Variants in ABCA3 observed in about 807,000 individuals in gnomAD.
The protein encoded by ABCA3 is phospholipid-transporting ATPase ABCA3.
Under a neutral mutation model 172.8 loss-of-function variants are expected in ABCA3, and 88 were observed. The ratio of observed to expected loss-of-function variants is 0.51; its 90% CI spans 0.43 to 0.61. ABCA3 has a LOEUF of 0.61. Among genes scored for constraint, ABCA3 ranks in the 20% least tolerant of loss-of-function variants. The pLI is 0.00. For missense variants in ABCA3, 2,164 were observed against 2,301.0 expected, an observed-to-expected ratio of 0.94 and a Z score of 1.22; for synonymous variants, 1,066 against 983.8, an observed-to-expected ratio of 1.08 and a Z score of -1.56.
In ABCA3 at chr16:2,281,588, G is replaced by GGGGGGGC; in HGVS notation, c.4036-80_4036-79insGCCCCCC. 1 of 517,014 alleles carries GGGGGGGC rather than the reference G, an allele frequency of 1.9e-6. No individual in the cohort carries two copies. The highest frequency in any genetic ancestry group is 3.8e-6 in the Non-Finnish European group (1 of 260,092). The allele number at this position is 517,014 out of a possible 1,614,324, so 32.0% of individuals were successfully genotyped here. ...CGTGGAGAAGGGAGGGGCGGGGGTG[G>GGGGGGGC]ATGTGGGAGGTCTGGTGGGACTAAG... On this transcript the variant is annotated intron_variant, in intron 26 of 32. Coordinates refer to ENST00000301732, the MANE Select transcript of ABCA3 (RefSeq NM_001089.3). This position sits in a 1 kb window ranked among gnomAD's most constrained non-coding sequence, Gnocchi z 4.7.
intron 18 of ABCA3, among the ~76,000 whole-genome samples, chr16:2,294,520 T>C (rs1215696010): frequency 6.6e-6 from 1 of 151,326 alleles, no homozygotes; most frequent in Non-Finnish European, 1.5e-5. Flanking sequence ...ACCCCATCTC[T>C]ACAAAAAAAA....
Position 2,283,239 on chromosome 16 carries a change from G to T in ABCA3, c.3982C>A (p.Leu1328Met). The change falls in exon 26 of 33, where the codon CTG (leucine) becomes ATG (methionine). Residue 1328 changes from leucine (L) to methionine (M), a missense_variant. Physicochemically the swap from Leu to Met is conservative, Grantham distance 15. Around this residue, in one of 3 missense-constraint regions of ABCA3, gnomAD observed 795 missense variants for 881.9 expected, o/e 0.90. Transcript: ENST00000301732. The surrounding 1 kb of genome is among the most constrained non-coding windows in gnomAD (Gnocchi z 5.4). The part of the protein sequence containing the change: ...LILLFLIETN[L>M]LQRLRGILCA... The stretch of plus-strand genomic sequence containing the variant: ...AGGATGCCCCTGAGTCTCTGAAGCA[G>T]GTTGGTCTCGATGAGGAAGAGCAGG... 4 of 1,613,470 alleles carry T rather than the reference G, an allele frequency of 2.5e-6. No homozygotes were observed. The highest frequency in any genetic ancestry group is 3.4e-6 in the Non-Finnish European group (4 of 1,179,988).
chr16:2,299,330 G>C, intron 14 of ABCA3, 73 bp downstream of exon 14: 6 of 1,596,636 alleles, frequency 3.8e-6, no homozygotes, highest in Non-Finnish European at 5.1e-6. Context: ...GAGGGAGTGA[G>C]GCGGGGCTGG....
chr16:2,294,557 A>T, intron 18 of ABCA3, among the ~76,000 whole-genome samples: 1 of 152,084 alleles, frequency 6.6e-6, no homozygotes, highest in Non-Finnish European at 1.5e-5. Flanking sequence ...ACATGTTGAT[A>T]CACACCTGTA....
At chr16:2,327,335 A>G (rs2093735905) in intron 3 of ABCA3, among the ~76,000 whole-genome samples, 1 of 151,766 alleles carries the variant, frequency 6.6e-6, no homozygotes, top group East Asian at 1.9e-4. Flanking sequence ...AGTGCTATTT[A>G]CCATTTGATA....
chr16:2,301,040 C>T (rs888069097), intron 12 of ABCA3, among the ~76,000 whole-genome samples: 3 of 151,444 alleles, frequency 2.0e-5, no homozygotes, highest in Non-Finnish European at 4.4e-5. Context: ...ACCATCCTGG[C>T]TAACACGGTG....
chr16:2,300,485 T>G (rs2093687185), intron 12 of ABCA3, among the ~76,000 whole-genome samples: 1 of 152,136 alleles, frequency 6.6e-6, no homozygotes, highest in African/African-American at 2.4e-5. Flanking sequence ...CAGAGGGATG[T>G]TGGAGCCAAA....
intron 5 of ABCA3, 45 bp from the exon 6 acceptor site, chr16:2,324,576 C>G: frequency 6.2e-7 from 1 of 1,603,362 alleles, no homozygotes; most frequent in South Asian, 1.1e-5. Context: ...AATCGGCCCT[C>G]CTGCTTGAAA....
intron 11 of ABCA3, among the ~76,000 whole-genome samples, chr16:2,307,185 G>A (rs1336227415): frequency 6.6e-6 from 1 of 152,100 alleles, no homozygotes; most frequent in African/African-American, 2.4e-5. Flanking sequence ...CGTCTCTGCT[G>A]CCATCACCAA....
At position 2,316,490 on chromosome 16, in the gene ABCA3, C is replaced by CAAAAAAAAAA. The variant is rs71148128; in HGVS notation, c.1111+783_1111+792dup. Among the ~76,000 whole-genome samples, 153 of 28,862 alleles carry CAAAAAAAAAA rather than the reference C, an allele frequency of 5.3e-3. 65 individuals carry two copies. The highest frequency in any genetic ancestry group is 7.9e-3 in the Non-Finnish European group (103 of 13,000). The allele number at this position is 28,862 out of a possible 152,430, so 18.9% of individuals were successfully genotyped here. A position where few individuals can be genotyped will look rare whatever the true frequency, so the allele number is the denominator to read the frequency against. On this transcript the variant is annotated intron_variant, in intron 10 of 32. Transcript: ENST00000301732. ...CAAAACCCCGTCTCTACTAAAAATG[C>CAAAAAAAAAA]AAAAAAAAAAAAAAAAAAAAAAAAA...
At position 2,281,445 on chromosome 16, in the gene ABCA3, C is replaced by T. The variant is rs199636493; in HGVS notation, c.4100G>A (p.Arg1367His). The T allele has an allele frequency of 8.1e-6, 13 of 1,613,636 alleles. No individual in the cohort carries two copies. Among genetic ancestry groups the T allele is most frequent in the South Asian group, 2.2e-5 (2 of 91,086 alleles). The change falls in exon 27 of 33, where the codon CGC becomes CAC. Residue 1367 changes from arginine to histidine, a missense_variant. By Grantham distance (29) the Arg-to-His change is conservative. This residue lies in a region of ABCA3 where 795 missense variants were observed against 881.9 expected (regional missense o/e 0.90). Transcript: ENST00000301732. This position sits in a 1 kb window ranked among gnomAD's most constrained non-coding sequence, Gnocchi z 4.7. ...GGAGTCCGGACTGGGGGCCAGGATGCGGGTCCTCTCGTCCGCTACATCTTG... is the reference window on the plus strand; with the variant it reads ...GGAGTCCGGACTGGGGGCCAGGATGTGGGTCCTCTCGTCCGCTACATCTTG... ...EDQDVADERT[R>H]ILAPSPDSLL...
rs548391597 is a variant in ABCA3 at position 2,302,796 on chromosome 16, T to G, written c.1467+1173A>C. ...GACTATGTCCACCCCGATCCCATTTTTTTTTTTTTTGAGATGGAGTCTCGC... is the reference window on the plus strand; with the variant it reads ...GACTATGTCCACCCCGATCCCATTTGTTTTTTTTTTGAGATGGAGTCTCGC... On this transcript the variant is annotated intron_variant, in intron 12 of 32. Coordinates refer to ENST00000301732, the MANE Select transcript of ABCA3 (RefSeq NM_001089.3). Among the ~76,000 whole-genome samples the G allele has an allele frequency of 1.2e-3, 179 of 151,666 alleles. No homozygotes were observed. The Middle Eastern group carries it at 0.014, about 12-fold the overall frequency.
Position 2,277,718 on chromosome 16 carries a change from C to T in ABCA3, c.4910-48G>A, listed in dbSNP as rs372152634. ...TGCTGTGAGCGCCGGGCTGGAGGAT[C>T]GGGGAGGGTGCCTGGGTGCTCAGCA... On this transcript the variant is annotated intron_variant, in intron 31 of 32. Transcript: ENST00000301732. The surrounding 1 kb of genome is among the most constrained non-coding windows in gnomAD (Gnocchi z 5.3). 1.6e-4 allele frequency: 263 copies of T among 1,609,678 alleles called. No individual in the cohort carries two copies. Among genetic ancestry groups the T allele is most frequent in the East Asian group, 6.7e-4 (30 of 44,762 alleles).
At position 2,278,530 on chromosome 16, in the gene ABCA3, G is replaced by A; in HGVS notation, c.4548-72C>T. ...CATTGGCTCCCATGTCCCAGTGGAG[G>A]CCCGTGTCCCAGCAGCGGCCCACAC... On this transcript the variant is annotated intron_variant, in intron 29 of 32. Transcript: ENST00000301732. This position sits in a 1 kb window ranked among gnomAD's most constrained non-coding sequence, Gnocchi z 4.4. The A allele has an allele frequency of 1.3e-6, 2 of 1,575,442 alleles. No individual in the cohort carries two copies. Among genetic ancestry groups the A allele is most frequent in the Non-Finnish European group, 1.7e-6 (2 of 1,159,056 alleles).
In ABCA3 at chr16:2,277,920, G is replaced by A. The variant is rs577998828; in HGVS notation, c.4868C>T (p.Ala1623Val). 39 of 1,610,874 alleles carry A rather than the reference G, an allele frequency of 2.4e-5. No individual in the cohort carries two copies. Among genetic ancestry groups the A allele is most frequent in the South Asian group, 7.7e-5 (7 of 91,008 alleles). ...AKVQSEGQQE[A>V]LEEFKAFVDL... ...CACGAAGGCCTTGAACTCCTCCAGC[G>A]CCTCCTGTTGCCCTTCACTCTGCAC... The change falls in exon 31 of 33, where the codon GCG becomes GTG. Residue 1623 changes from alanine to valine, a missense_variant. Transcript: ENST00000301732. The surrounding 1 kb of genome is among the most constrained non-coding windows in gnomAD (Gnocchi z 5.3).
rs1356960234 is a variant in ABCA3 at position 2,316,617 on chromosome 16, G to T, written c.1111+666C>A. ...CACTTGAATCCCAGAGGCAGAGACTGCAGTGAGCCAAGATCGCACTAATGC... is the reference window on the plus strand; with the variant it reads ...CACTTGAATCCCAGAGGCAGAGACTTCAGTGAGCCAAGATCGCACTAATGC... On this transcript the variant is annotated intron_variant, in intron 10 of 32. Transcript: ENST00000301732. Among the ~76,000 whole-genome samples, 4 of 148,038 alleles carry T rather than the reference G, an allele frequency of 2.7e-5. No individual in the cohort carries two copies. The Admixed American group carries it at 2.7e-4, about 10-fold the overall frequency.
At position 2,324,545 on chromosome 16, in the gene ABCA3, G is replaced by A. The variant is rs754082115; in HGVS notation, c.320-14C>T. The A allele has an allele frequency of 6.2e-7, 1 of 1,608,066 alleles. No individual in the cohort carries two copies. Among genetic ancestry groups the A allele is most frequent in the Non-Finnish European group, 8.5e-7 (1 of 1,179,926 alleles). On this transcript the variant is annotated splice_polypyrimidine_tract_variant and intron_variant, in intron 5 of 32. Transcript: ENST00000301732. ...GAAAGCCGCGCACTGCAAAGAGAGA[G>A]CACGGGAGCTGTGGTTGCCCAATCG...
chr16:2,315,815 C>T (rs1383564111), intron 10 of ABCA3, among the ~76,000 whole-genome samples: 1 of 151,268 alleles, frequency 6.6e-6, no homozygotes, highest in African/African-American at 2.4e-5. Context: ...AGGGGCATGC[C>T]ACCACACCTG....
intron 10 of ABCA3, 50 bp downstream of exon 10, chr16:2,317,233 T>C (rs1327048457): frequency 1.2e-6 from 2 of 1,611,288 alleles, no homozygotes; most frequent in South Asian, 2.2e-5. Flanking sequence ...TCCATGCAGA[T>C]GGCCCTTGGC....
Sources: gnomAD v4.1 joint callset for allele counts (sites outside exome capture counted in the v4.1 genomes callset) on GRCh38, gnomAD v4.1.1 for gene constraint, gnomAD v4.1.1 regional missense constraint, Gnocchi (gnomAD v3.1) non-coding constraint, MANE v1.5 for transcripts, NCBI Gene and HGNC (gene_info 2026-07-23, HGNC 2026-07-21) for gene names.